The following MARCHF3 variants were observed in gnomAD, a reference collection of about 807,000 sequenced individuals.
MARCHF3 encodes membrane associated ring-CH-type finger 3.
In MARCHF3, 13 loss-of-function variants were observed where a neutral mutation model predicts 24.2. The ratio of observed to expected loss-of-function variants is 0.54; its 90% confidence interval spans 0.35 to 0.85. The LOEUF is 0.85. Among genes scored for constraint, MARCHF3 ranks in the 40% least tolerant of loss-of-function variants. The pLI is 0.01. For synonymous variants in MARCHF3, 144 were observed against 137.3 expected (o/e 1.05, Z -0.34); for missense variants, 276 against 325.0 (o/e 0.85, Z 1.16).
rs1271602682 is a variant in MARCHF3, at chr5:126,942,644, G to A, written c.-56-24417C>T. ...TATTAGATGTTTGACATCTCTATAA[G>A]TTTTACTGATGACTATCTTAGGTCA... On this transcript the variant is annotated intron_variant, in intron 1 of 4. Coordinates refer to ENST00000308660, the MANE Select transcript of MARCHF3 (RefSeq NM_178450.5). Among the ~76,000 whole-genome samples the A allele has an allele frequency of 2.0e-5, 3 of 152,164 alleles. No individual in the cohort carries two copies. The East Asian group carries it at 5.8e-4, about 29-fold the overall frequency.
intron 1 of MARCHF3, among the ~76,000 whole-genome samples, chr5:126,979,352 G>GTA (rs1416857758): frequency 6.6e-6 from 1 of 152,220 alleles, no homozygotes; most frequent in Non-Finnish European, 1.5e-5. Flanking sequence ...GGTATTCAGA[G>GTA]TATGTCACAC....
At chr5:127,003,706 T>A (rs1023802165) in intron 1 of MARCHF3, among the ~76,000 whole-genome samples, 27 of 152,038 alleles carry the variant, frequency 1.8e-4, no homozygotes, top group Admixed American at 1.5e-3. Context: ...GCCGAGATCG[T>A]GCCAGAGGAG....
chr5:127,024,140 G>C (rs1002649414), intron 1 of MARCHF3, among the ~76,000 whole-genome samples: 16 of 152,144 alleles, frequency 1.1e-4, no homozygotes, highest in Admixed American at 9.2e-4. Context: ...GAGAGGAGGA[G>C]GCAAGGTAGA....
intron 1 of MARCHF3, among the ~76,000 whole-genome samples, chr5:126,935,422 T>C (rs775152424): frequency 1.9e-4 from 29 of 151,984 alleles, no homozygotes; most frequent in Non-Finnish European, 3.5e-4. Context: ...AAACATGGGC[T>C]CTTCTTGGGT....
intron 4 of MARCHF3, among the ~76,000 whole-genome samples, chr5:126,873,230 C>T (rs1746165888): frequency 1.3e-5 from 2 of 152,096 alleles, no homozygotes; most frequent in Non-Finnish European, 2.9e-5. Context: ...TATTTGCTGT[C>T]AACAAGCTTC....
At position 126,973,268 on chromosome 5, in the gene MARCHF3, C is replaced by G. The variant is rs563186956; in HGVS notation, c.-56-55041G>C. Among the ~76,000 whole-genome samples the G allele has an allele frequency of 2.6e-5, 4 of 152,344 alleles. No individual in the cohort carries two copies. The East Asian group carries it at 7.7e-4, about 29-fold the overall frequency. The stretch of plus-strand genomic sequence containing the variant: ...TCTGGGTGCCATTTCACAACCTGAC[C>G]TGCATAGTTCCTTTAGGCTGCTGTG... On this transcript the variant is annotated intron_variant, in intron 1 of 4. Transcript: ENST00000308660.
intron 3 of MARCHF3, among the ~76,000 whole-genome samples, chr5:126,897,245 G>C (rs1238742084): frequency 1.3e-5 from 2 of 151,462 alleles, no homozygotes; most frequent in African/African-American, 4.9e-5. Flanking sequence ...CTCCTTGTTG[G>C]TCAGGCTGGT....
At chr5:127,012,378 G>A (rs1260589744) in intron 1 of MARCHF3, among the ~76,000 whole-genome samples, 2 of 152,108 alleles carry the variant, frequency 1.3e-5, no homozygotes, top group South Asian at 2.1e-4. Flanking sequence ...CATTATGTCA[G>A]TACCTAGTAA....
chr5:126,914,132 C>T (rs534975012), intron 3 of MARCHF3, among the ~76,000 whole-genome samples: 8 of 151,758 alleles, frequency 5.3e-5, no homozygotes, highest in African/African-American at 1.7e-4. Context: ...TACAGGCACC[C>T]GCCACCATGC....
chr5:126,918,722 T>C (rs925113420), intron 1 of MARCHF3, among the ~76,000 whole-genome samples: 4 of 152,236 alleles, frequency 2.6e-5, no homozygotes, highest in African/African-American at 9.6e-5. Context: ...AAAAATGAAT[T>C]TGGCCAAGTA....
At chr5:127,025,542 T>G (rs1373850285) in intron 1 of MARCHF3, among the ~76,000 whole-genome samples, 2 of 152,158 alleles carry the variant, frequency 1.3e-5, no homozygotes, top group Admixed American at 1.3e-4. Flanking sequence ...CCTTCACTTT[T>G]TGCCCAGTTC....
chr5:127,024,457 A>G (rs1752929449), intron 1 of MARCHF3, among the ~76,000 whole-genome samples: 1 of 152,184 alleles, frequency 6.6e-6, no homozygotes, highest in African/African-American at 2.4e-5. Flanking sequence ...TACAGCAGAT[A>G]AGGGTTCTGC....
chr5:127,025,788 T>G (rs1752974452), intron 1 of MARCHF3, among the ~76,000 whole-genome samples: 1 of 152,222 alleles, frequency 6.6e-6, no homozygotes, highest in Non-Finnish European at 1.5e-5. Flanking sequence ...TTCTTACTAC[T>G]GCTATCATTA....
At chr5:126,946,806 G>C (rs1437668916) in intron 1 of MARCHF3, among the ~76,000 whole-genome samples, 1 of 150,592 alleles carries the variant, frequency 6.6e-6, no homozygotes, top group African/African-American at 2.5e-5. Context: ...GTCTGTGTGT[G>C]TGTGGTGGAG....
chr5:126,919,420 C>G (rs1285151959), intron 1 of MARCHF3, among the ~76,000 whole-genome samples: 2 of 152,170 alleles, frequency 1.3e-5, no homozygotes, highest in African/African-American at 4.8e-5. Context: ...GAGCTCACAT[C>G]AAGAACCCAT....
intron 3 of MARCHF3, among the ~76,000 whole-genome samples, chr5:126,888,547 C>T (rs1267712750): frequency 1.3e-5 from 2 of 152,120 alleles, no homozygotes; most frequent in East Asian, 3.8e-4. Context: ...TAGATCATTA[C>T]AGCATAGGAG....
intron 3 of MARCHF3, among the ~76,000 whole-genome samples, chr5:126,903,945 C>T (rs1028304070): frequency 4.8e-5 from 7 of 146,874 alleles, no homozygotes; most frequent in African/African-American, 7.6e-5. Flanking sequence ...GTATATCTCC[C>T]AATGCTATCC....
At chr5:126,921,905 G>C (rs901527742) in intron 1 of MARCHF3, among the ~76,000 whole-genome samples, 13 of 152,152 alleles carry the variant, frequency 8.5e-5, no homozygotes, top group African/African-American at 2.9e-4. Context: ...GAAAACAGAG[G>C]GGGTGGGCAA....
At position 126,975,549 on chromosome 5, in the gene MARCHF3, C is replaced by T. The variant is rs73786248; in HGVS notation, c.-57+54801G>A. Reference sequence around the variant, plus strand: ...TAATTTGTGTAATATTCTGGTAAAACGGCCTAAACTGGGGTCATATTTCCT... The same window carrying T: ...TAATTTGTGTAATATTCTGGTAAAATGGCCTAAACTGGGGTCATATTTCCT... On this transcript the variant is annotated intron_variant, in intron 1 of 4. Transcript: ENST00000308660. Among the ~76,000 whole-genome samples the T allele has an allele frequency of 8.4e-3, 1,286 of 152,264 alleles. 18 individuals are homozygous for T. The highest frequency in any genetic ancestry group is 0.025 in the East Asian group (132 of 5,188).
Sources: allele counts gnomAD v4.1 joint callset (sites outside exome capture counted in the v4.1 genomes callset), GRCh38; gene constraint gnomAD v4.1.1; transcripts MANE v1.5; gene names NCBI Gene and HGNC (gene_info 2026-07-23, HGNC 2026-07-21).